Variants in RBFOX1 observed in about 807,000 individuals in gnomAD.
RBFOX1 encodes the protein RNA binding fox-1 homolog 1.
A neutral mutation model predicts 57.7 loss-of-function variants in RBFOX1; 8 were observed. The observed-to-expected ratio is 0.14, with a 90% CI of 0.08 to 0.25. RBFOX1 has a LOEUF of 0.25. RBFOX1 is among the 10% of genes least tolerant of loss of function. The pLI is 1.00. For missense variants in RBFOX1, 611 were observed against 548.5 expected (o/e 1.11, Z -1.14); for synonymous variants, 326 against 222.4 (o/e 1.47, Z -4.15).
At chr16:6,540,316 A>AG (rs1449828971) in intron 2 of RBFOX1, among the ~76,000 whole-genome samples, 1 of 151,500 alleles carries the variant, frequency 6.6e-6, no homozygotes, top group African/African-American at 2.4e-5. Flanking sequence ...GCTGTAAAAA[A>AG]AAAAAACTCA....
At chr16:6,152,814 G>A (rs116050751) in intron 1 of RBFOX1, among the ~76,000 whole-genome samples, 1,934 of 152,174 alleles carry the variant, frequency 0.013, 40 homozygotes, top group African/African-American at 0.043. Context: ...CTAAAAAAAT[G>A]CCCTCTTAGA....
chr16:6,250,264 G>T (rs148565980), intron 1 of RBFOX1, among the ~76,000 whole-genome samples: 7 of 152,206 alleles, frequency 4.6e-5, no homozygotes, highest in African/African-American at 1.4e-4. Context: ...CTCAGGCTAG[G>T]TGCTCAGTAT....
chr16:7,510,838 C>T (rs965849868), intron 4 of RBFOX1, among the ~76,000 whole-genome samples: 1 of 152,112 alleles, frequency 6.6e-6, no homozygotes, highest in African/African-American at 2.4e-5. Flanking sequence ...CTGCAGGAGC[C>T]GCTGCTTTCC....
At chr16:5,810,549 C>T (rs372699312) in intron 3 of RBFOX1, among the ~76,000 whole-genome samples, 106 of 152,280 alleles carry the variant, frequency 7.0e-4, no homozygotes, top group African/African-American at 2.5e-3. Context: ...CACTTCTATC[C>T]CATGGTGCTG....
chr16:6,444,232 C>T (rs2153032672), intron 2 of RBFOX1, among the ~76,000 whole-genome samples: 1 of 152,200 alleles, frequency 6.6e-6, no homozygotes, highest in Non-Finnish European at 1.5e-5. Context: ...GGAACAGTGT[C>T]TGCTTAATTG....
intron 4 of RBFOX1, among the ~76,000 whole-genome samples, chr16:7,288,333 C>A (rs1362416433): frequency 2.0e-5 from 3 of 152,168 alleles, no homozygotes; most frequent in Admixed American, 2.0e-4. Flanking sequence ...GTAGAAGATT[C>A]AAGGTGAGAA....
At chr16:6,281,426 C>T (rs1235617852) in intron 1 of RBFOX1, among the ~76,000 whole-genome samples, 1 of 152,068 alleles carries the variant, frequency 6.6e-6, no homozygotes, top group Non-Finnish European at 1.5e-5. Flanking sequence ...CTTGTAATAC[C>T]ACGTTTTGCT....
At chr16:5,806,936 AG>A (rs1229601560) in intron 3 of RBFOX1, among the ~76,000 whole-genome samples, 1 of 152,078 alleles carries the variant, frequency 6.6e-6, no homozygotes, top group African/African-American at 2.4e-5. Flanking sequence ...TCCCCACTGG[AG>A]GAGCAGGATC....
chr16:6,614,061 C>T (rs114212869), intron 2 of RBFOX1, among the ~76,000 whole-genome samples: 1,945 of 152,312 alleles, frequency 0.013, 56 homozygotes, highest in African/African-American at 0.044. Context: ...TCCCTTTCTA[C>T]ATTGTAAGTT....
intron 4 of RBFOX1, among the ~76,000 whole-genome samples, chr16:7,395,945 A>C (rs1425649742): frequency 1.3e-5 from 2 of 152,262 alleles, no homozygotes; most frequent in Admixed American, 6.5e-5. Flanking sequence ...CAAAATACAC[A>C]CCTAAATTAA....
chr16:7,046,513 T>G (rs947591905), intron 3 of RBFOX1, among the ~76,000 whole-genome samples: 2 of 151,692 alleles, frequency 1.3e-5, no homozygotes, highest in African/African-American at 4.9e-5. Context: ...TATGTAATTT[T>G]TATTTTTTAA....
chr16:6,498,744 A>G (rs2095841294), intron 2 of RBFOX1, among the ~76,000 whole-genome samples: 1 of 152,216 alleles, frequency 6.6e-6, no homozygotes, highest in African/African-American at 2.4e-5. Flanking sequence ...TCTAAATAAT[A>G]ATTATATCTA....
At chr16:6,193,425 T>TATA (rs1243693521) in intron 1 of RBFOX1, among the ~76,000 whole-genome samples, 1 of 106,504 alleles carries the variant, frequency 9.4e-6, no homozygotes, top group African/African-American at 3.2e-5. Flanking sequence ...TATATATATA[T>TATA]AAAATTCAGT....
intron 3 of RBFOX1, among the ~76,000 whole-genome samples, chr16:6,778,158 T>G (rs2079707055): frequency 6.6e-6 from 1 of 152,134 alleles, no homozygotes; most frequent in African/African-American, 2.4e-5. Context: ...TTCATGAGAA[T>G]CGAATTTCAA....
At chr16:7,509,970 T>TTG (rs1555532081) in intron 4 of RBFOX1, among the ~76,000 whole-genome samples, 41 of 150,514 alleles carry the variant, frequency 2.7e-4, no homozygotes, top group African/African-American at 9.9e-4. Context: ...CAGTGGGTTT[T>TTG]TTTTTTTTTT....
intron 3 of RBFOX1, among the ~76,000 whole-genome samples, chr16:6,855,099 G>A (rs1380691602): frequency 1.3e-5 from 2 of 152,076 alleles, no homozygotes; most frequent in African/African-American, 4.8e-5. Flanking sequence ...AGAGAAGGAT[G>A]CTATGTAGGG....
chr16:5,432,929 G>A (rs763678829), intron 1 of RBFOX1, among the ~76,000 whole-genome samples: 4 of 152,056 alleles, frequency 2.6e-5, no homozygotes, highest in African/African-American at 7.2e-5. Context: ...GGAATTATAG[G>A]CCCACACCAC....
chr16:7,684,882 C>T (rs2075724570), intron 14 of RBFOX1, among the ~76,000 whole-genome samples: 1 of 152,004 alleles, frequency 6.6e-6, no homozygotes, highest in Non-Finnish European at 1.5e-5. Flanking sequence ...TGATCGTTTC[C>T]CCACTATTTT....
chr16:5,595,522 A>G (rs1269044805), intron 2 of RBFOX1, among the ~76,000 whole-genome samples: 1 of 152,100 alleles, frequency 6.6e-6, no homozygotes, highest in East Asian at 1.9e-4. Context: ...CTGGTTCGGG[A>G]CCCTGGTTTG....
Sources: gnomAD v4.1 joint callset for allele counts (sites outside exome capture counted in the v4.1 genomes callset) on GRCh38, gnomAD v4.1.1 for gene constraint, MANE v1.5 for transcripts, NCBI Gene and HGNC (gene_info 2026-07-23, HGNC 2026-07-21) for gene names.